The following RGS7 variants were observed in gnomAD, a reference collection of about 807,000 sequenced individuals.
RGS7 encodes regulator of G protein signaling 7, also known as regulator of G-protein signaling 7.
A neutral mutation model predicts 81.1 loss-of-function variants in RGS7; 27 were observed. That is an observed-to-expected ratio of 0.33 (90% CI 0.25 to 0.46). The LOEUF (loss-of-function observed/expected upper bound fraction) is 0.46, where lower values mean the gene tolerates loss of function less well. Ranked by LOEUF, RGS7 falls within the 20% of genes least tolerant of loss-of-function variation. RGS7 has a pLI of 1.00. For synonymous variants in RGS7, 208 were observed against 207.7 expected (o/e 1.00, Z -0.01); for missense variants, 396 against 607.4 (o/e 0.65, Z 3.66).
chr1:241,114,416 A>T (rs753370473), intron 2 of RGS7, among the ~76,000 whole-genome samples: 2 of 151,952 alleles, frequency 1.3e-5, no homozygotes, highest in Non-Finnish European at 2.9e-5. Context: ...GTGGTGGTGG[A>T]CGATTACCTT....
At chr1:241,058,846 G>C (rs2061604930) in intron 3 of RGS7, among the ~76,000 whole-genome samples, 1 of 152,168 alleles carries the variant, frequency 6.6e-6, no homozygotes, top group Non-Finnish European at 1.5e-5. Context: ...CTGAGAGTGT[G>C]TGATTCAGGC....
rs145892445 is a variant in RGS7 at position 241,241,062 on chromosome 1, G to A, written c.78+114637C>T. On this transcript the variant is annotated intron_variant, in intron 2 of 18. Coordinates refer to ENST00000440928, the MANE Select transcript of RGS7 (RefSeq NM_001364886.1). ...GTTCACCCTCCCAACCCTCCTCATC[G>A]GCTAGAACTGCCTGTTTGCTGCCCT... is the stretch of plus-strand genomic sequence containing the variant. 9.8e-4 allele frequency among the ~76,000 whole-genome samples: 149 copies of A among 152,176 alleles called. 1 individual carries two copies. The highest frequency in any genetic ancestry group is 3.5e-3 in the African/African-American group (145 of 41,536).
chr1:241,319,391 T>C (rs543275771), intron 2 of RGS7, among the ~76,000 whole-genome samples: 1 of 152,172 alleles, frequency 6.6e-6, no homozygotes, highest in African/African-American at 2.4e-5. Flanking sequence ...AATGTTGGTA[T>C]AAAAATACCC....
chr1:240,896,808 C>A (rs112039261), intron 6 of RGS7, among the ~76,000 whole-genome samples: 19,420 of 152,110 alleles, frequency 0.13, 1,340 homozygotes, highest in Middle Eastern at 0.18. Context: ...TAGTTTTTTC[C>A]AGTTCTGTGA....
chr1:241,240,812 G>A (rs138948295), intron 2 of RGS7, among the ~76,000 whole-genome samples: 119 of 152,114 alleles, frequency 7.8e-4, no homozygotes, highest in African/African-American at 2.7e-3. Flanking sequence ...GGCTAGGATC[G>A]GGGAGCAAAT....
intron 2 of RGS7, among the ~76,000 whole-genome samples, chr1:241,259,667 A>AAAAAAATAT: frequency 1.4e-4 from 7 of 49,138 alleles, no homozygotes; most frequent in African/African-American, 4.8e-4. Context: ...AAAAAAAAAA[A>AAAAAAATAT]ATATATATAT....
At chr1:241,050,725 T>C (rs893644267) in intron 3 of RGS7, among the ~76,000 whole-genome samples, 3 of 152,076 alleles carry the variant, frequency 2.0e-5, no homozygotes, top group Non-Finnish European at 4.4e-5. Context: ...AACATGAAAA[T>C]GAAAAGGATT....
intron 2 of RGS7, among the ~76,000 whole-genome samples, chr1:241,167,034 G>A (rs2070314623): frequency 6.6e-6 from 1 of 152,162 alleles, no homozygotes; most frequent in South Asian, 2.1e-4. Flanking sequence ...ACAGTTTCCT[G>A]TGCCACTGCT....
intron 2 of RGS7, among the ~76,000 whole-genome samples, chr1:241,126,820 T>C (rs1353731189): frequency 2.0e-5 from 3 of 151,854 alleles, no homozygotes; most frequent in African/African-American, 7.3e-5. Context: ...TTTTTTTTTT[T>C]TTTGGTCTAG....
At chr1:240,829,336 C>G (rs1318351004) in intron 9 of RGS7, among the ~76,000 whole-genome samples, 1 of 152,072 alleles carries the variant, frequency 6.6e-6, no homozygotes, top group African/African-American at 2.4e-5. Context: ...CTAAGTGACA[C>G]TGAGCAATTC....
intron 2 of RGS7, among the ~76,000 whole-genome samples, chr1:241,259,667 A>AAAAAAAAAAAAAAAAAAAAAAAAT: frequency 2.2e-4 from 11 of 49,130 alleles, no homozygotes; most frequent in East Asian, 6.1e-4. Context: ...AAAAAAAAAA[A>AAAAAAAAAAAAAAAAAAAAAAAAT]ATATATATAT....
chr1:241,251,330 G>A (rs1282456003), intron 2 of RGS7, among the ~76,000 whole-genome samples: 2 of 152,052 alleles, frequency 1.3e-5, no homozygotes, highest in Non-Finnish European at 1.5e-5. Flanking sequence ...AGTTTAGCAA[G>A]ACAAGAAACT....
rs534095082 is a variant in RGS7 at position 240,938,085 on chromosome 1, CA to C, written c.227-1380del. 3.7e-3 allele frequency among the ~76,000 whole-genome samples: 559 copies of C among 151,900 alleles called. 3 individuals are homozygous for C. The highest frequency in any genetic ancestry group is 0.013 in the African/African-American group (543 of 41,474). On this transcript the variant is annotated intron_variant, in intron 4 of 18. Coordinates refer to ENST00000440928, the MANE Select transcript of RGS7 (RefSeq NM_001364886.1). ...TATGCAAAATAGTTTTCTACCCCAA[CA>C]AAAAAAATATATGTACAGTTGTCCC... is the stretch of plus-strand genomic sequence containing the variant.
At chr1:240,953,504 A>C (rs1312514857) in intron 4 of RGS7, among the ~76,000 whole-genome samples, 1 of 152,014 alleles carries the variant, frequency 6.6e-6, no homozygotes, top group African/African-American at 2.4e-5. Context: ...AGGTCAAAGA[A>C]AATGTCTAAA....
intron 18 of RGS7, among the ~76,000 whole-genome samples, chr1:240,795,188 C>T (rs1390283811): frequency 7.5e-6 from 1 of 132,712 alleles, no homozygotes; most frequent in Non-Finnish European, 1.6e-5. Flanking sequence ...CTGTCTCAAA[C>T]AAACAAATAA....
intron 2 of RGS7, among the ~76,000 whole-genome samples, chr1:241,351,952 A>T (rs1302348711): frequency 6.6e-6 from 1 of 152,190 alleles, no homozygotes; most frequent in Non-Finnish European, 1.5e-5. Flanking sequence ...GCCAATTTGA[A>T]GCTCTGGCCC....
chr1:241,273,141 A>C (rs2078002385), intron 2 of RGS7, among the ~76,000 whole-genome samples: 1 of 151,062 alleles, frequency 6.6e-6, no homozygotes, highest in Admixed American at 6.6e-5. Context: ...ATTATAGGTA[A>C]AGTATTATTA....
chr1:241,059,954 T>C (rs1462550223), intron 3 of RGS7, among the ~76,000 whole-genome samples: 1 of 150,702 alleles, frequency 6.6e-6, no homozygotes, highest in Admixed American at 6.6e-5. Flanking sequence ...ATTCTCATCA[T>C]ATCCACAGTC....
intron 18 of RGS7, 66 bp downstream of exon 18, chr1:240,800,575 G>T: frequency 1.1e-6 from 1 of 938,848 alleles, no homozygotes; most frequent in Non-Finnish European, 1.6e-6. Flanking sequence ...ACAGCAGCAT[G>T]GAGCTAAACC....
Sources: gnomAD v4.1 joint callset for allele counts (sites outside exome capture counted in the v4.1 genomes callset) on GRCh38, gnomAD v4.1.1 for gene constraint, MANE v1.5 for transcripts, NCBI Gene and HGNC (gene_info 2026-07-23, HGNC 2026-07-21) for gene names.